The following IMMP2L variants were observed in gnomAD, a reference collection of about 807,000 sequenced individuals.
The protein encoded by IMMP2L is mitochondrial inner membrane protease subunit 2.
IMMP2L carries 18 observed loss-of-function variants against 19.3 expected under a neutral mutation model. That is an observed-to-expected ratio of 0.93 (90% CI 0.64 to 1.38). IMMP2L has a LOEUF of 1.38. Ranked by LOEUF, IMMP2L falls within the 40% of genes most tolerant of loss-of-function variation. The probability of loss-of-function intolerance (pLI) is 0.00; values close to 1 mark genes in which losing one functional copy is unlikely to be tolerated. For synonymous variants in IMMP2L, 76 were observed against 73.0 expected, an observed-to-expected ratio of 1.04 and a Z score of -0.21; for missense variants, 233 against 218.2, an observed-to-expected ratio of 1.07 and a Z score of -0.43.
intron 3 of IMMP2L, among the ~76,000 whole-genome samples, chr7:110,998,169 T>C (rs952196818): frequency 2.6e-5 from 4 of 152,170 alleles, no homozygotes; most frequent in South Asian, 2.1e-4. Flanking sequence ...CCTCTTCCAG[T>C]ATGACCTGAA....
chr7:111,499,462 A>T (rs1229018313), intron 2 of IMMP2L, among the ~76,000 whole-genome samples: 1 of 152,160 alleles, frequency 6.6e-6, no homozygotes, highest in Non-Finnish European at 1.5e-5. Flanking sequence ...AATTCATGAT[A>T]TGCATCAGGT....
intron 5 of IMMP2L, among the ~76,000 whole-genome samples, chr7:110,695,096 A>T (rs1237345530): frequency 6.6e-6 from 1 of 152,100 alleles, no homozygotes; most frequent in African/African-American, 2.4e-5. Context: ...AACAGATAAG[A>T]GGTTTCCTTT....
chr7:111,124,878 T>TCTG, intron 3 of IMMP2L: 1 of 1,589,198 alleles, frequency 6.3e-7, no homozygotes, highest in South Asian at 1.1e-5. Flanking sequence ...CTGTTATAGG[T>TCTG]TTACCAACAA....
At chr7:111,420,976 C>T (rs1457566242) in intron 3 of IMMP2L, among the ~76,000 whole-genome samples, 1 of 151,836 alleles carries the variant, frequency 6.6e-6, no homozygotes, top group Non-Finnish European at 1.5e-5. Context: ...CTTGAGGAAT[C>T]ACCACACTGT....
At position 111,214,328 on chromosome 7, in the gene IMMP2L, C is replaced by CTTTTTTTT. The variant is rs1484229556; in HGVS notation, c.240-250764_240-250763insAAAAAAAA. Among the ~76,000 whole-genome samples, 108 of 85,106 alleles carry CTTTTTTTT rather than the reference C, an allele frequency of 1.3e-3. 12 individuals are homozygous for CTTTTTTTT. The highest frequency in any genetic ancestry group is 1.5e-3 in the Non-Finnish European group (65 of 44,302). The allele number at this position is 85,106 out of a possible 152,430, so 55.8% of individuals were successfully genotyped here. The stretch of plus-strand genomic sequence containing the variant: ...GTGAATGAATGACAAAGTAATTTTT[C>CTTTTTTTT]TTCTTTTTTTTTTTTTTTTTTTTTT... On this transcript the variant is annotated intron_variant, in intron 3 of 5. Transcript: ENST00000405709.
At chr7:111,074,839 T>A (rs973114442) in intron 3 of IMMP2L, among the ~76,000 whole-genome samples, 1 of 152,152 alleles carries the variant, frequency 6.6e-6, no homozygotes, top group Admixed American at 6.5e-5. Context: ...TTGGCTACGA[T>A]CAAAAAACAG....
At chr7:110,665,016 C>G (rs1791346462) in intron 5 of IMMP2L, 2 of 151,988 alleles carry the variant, frequency 1.3e-5, no homozygotes, top group African/African-American at 4.8e-5. Flanking sequence ...GGGAAGGCTT[C>G]CAAAAAGATA....
In IMMP2L at chr7:111,036,251, A is replaced by G. The variant is rs1256424496; in HGVS notation, c.240-72686T>C. ...TACCTTTCCTCCGAAACCTTCCTCT[A>G]TAAACTGGGCCCCTTAATGACAAGA... On this transcript the variant is annotated intron_variant, in intron 3 of 5. Coordinates refer to ENST00000405709, the MANE Select transcript of IMMP2L (RefSeq NM_032549.4). Among the ~76,000 whole-genome samples the G allele has an allele frequency of 1.3e-5, 2 of 152,092 alleles. 1 individual carries two copies. Among genetic ancestry groups the G allele is most frequent in the South Asian group, 4.1e-4 (2 of 4,824 alleles).
chr7:110,731,305 A>C (rs1413404307), intron 5 of IMMP2L, among the ~76,000 whole-genome samples: 2 of 152,214 alleles, frequency 1.3e-5, no homozygotes, highest in Admixed American at 1.3e-4. Context: ...TAAAAAATAT[A>C]AATATCTAGC....
chr7:110,697,912 T>C lies in IMMP2L; in HGVS notation c.409-34191A>G, dbSNP rs149993260. ...AAGATGGCATGTTGTCTTTGTGTAA[T>C]GTATACATGTAAGATTCCCTATTTA... is the stretch of plus-strand genomic sequence containing the variant. On this transcript the variant is annotated intron_variant, in intron 5 of 5. Transcript: ENST00000405709. Among the ~76,000 whole-genome samples the C allele has an allele frequency of 9.0e-3, 1,367 of 152,360 alleles. 20 individuals are homozygous for C. Among genetic ancestry groups the C allele is most frequent in the African/African-American group, 0.031 (1,283 of 41,572 alleles).
At chr7:111,380,659 A>G (rs1344940276) in intron 3 of IMMP2L, among the ~76,000 whole-genome samples, 2 of 152,064 alleles carry the variant, frequency 1.3e-5, no homozygotes, top group African/African-American at 2.4e-5. Context: ...GGACCAATTT[A>G]GCTTGTCCAG....
rs913352473 is a variant in IMMP2L at position 111,080,919 on chromosome 7, T to C, written c.240-117354A>G. ...AATTTTCTTGTCAGCAGCCATGATA[T>C]CTAAACTGCTAAATATATACCCTAA... On this transcript the variant is annotated intron_variant, in intron 3 of 5. Transcript: ENST00000405709. Among the ~76,000 whole-genome samples, 18 of 152,218 alleles carry C rather than the reference T, an allele frequency of 1.2e-4. 1 individual carries two copies. The highest frequency in any genetic ancestry group is 4.3e-4 in the African/African-American group (18 of 41,456).
intron 3 of IMMP2L, among the ~76,000 whole-genome samples, chr7:111,214,322 A>ATTTTT (rs1204773622): frequency 1.3e-5 from 1 of 77,732 alleles, no homozygotes; most frequent in Non-Finnish European, 3.0e-5. Context: ...TGACAAAGTA[A>ATTTTT]TTTTTCTTCT....
chr7:111,222,936 G>C (rs1812676934), intron 3 of IMMP2L, among the ~76,000 whole-genome samples: 2 of 151,738 alleles, frequency 1.3e-5, no homozygotes, highest in Middle Eastern at 3.2e-3. Context: ...GCCATCAATA[G>C]TACAACAGAT....
intron 5 of IMMP2L, among the ~76,000 whole-genome samples, chr7:110,774,318 G>A (rs188765241): frequency 3.0e-4 from 46 of 152,140 alleles, no homozygotes; most frequent in Admixed American, 1.1e-3. Context: ...GCTGCAAACC[G>A]CATCAAGCAA....
Position 111,101,709 on chromosome 7 carries a change from G to A in IMMP2L, c.240-138144C>T, listed in dbSNP as rs73714668. Among the ~76,000 whole-genome samples the A allele has an allele frequency of 2.1e-3, 315 of 151,596 alleles. 3 individuals carry two copies. The highest frequency in any genetic ancestry group is 7.2e-3 in the African/African-American group (298 of 41,460). On this transcript the variant is annotated intron_variant, in intron 3 of 5. Coordinates refer to ENST00000405709, the MANE Select transcript of IMMP2L (RefSeq NM_032549.4). ...GTGTCTTCCCTGAGAAGACTGAGAA[G>A]AGGGTATAGCTAAATGAGTTAGGGG...
At chr7:110,851,834 T>C (rs1166308424) in intron 5 of IMMP2L, among the ~76,000 whole-genome samples, 1 of 152,150 alleles carries the variant, frequency 6.6e-6, no homozygotes, top group Non-Finnish European at 1.5e-5. Context: ...TATTGATATA[T>C]GTGACAGATG....
In IMMP2L at chr7:110,705,167, AT is replaced by A. The variant is rs531991831; in HGVS notation, c.409-41447del. The stretch of plus-strand genomic sequence containing the variant: ...CTAAGAAGAGAGTTTAAAATGATCT[AT>A]AAATGTCTTTCATTCATGATGATCC... On this transcript the variant is annotated intron_variant, in intron 5 of 5. Coordinates refer to ENST00000405709, the MANE Select transcript of IMMP2L (RefSeq NM_032549.4). Among the ~76,000 whole-genome samples, 35 of 152,304 alleles carry A rather than the reference AT, an allele frequency of 2.3e-4. No homozygotes were observed. In the South Asian group the frequency reaches 7.2e-3, roughly 32 times the overall value.
At chr7:111,364,072 C>A (rs529473343) in intron 3 of IMMP2L, among the ~76,000 whole-genome samples, 29 of 152,138 alleles carry the variant, frequency 1.9e-4, no homozygotes, top group Admixed American at 7.2e-4. Context: ...TGTACTGTCA[C>A]AGCACTTACC....
Sources: gnomAD v4.1 joint callset for allele counts (sites outside exome capture counted in the v4.1 genomes callset) on GRCh38, gnomAD v4.1.1 for gene constraint, MANE v1.5 for transcripts, NCBI Gene and HGNC (gene_info 2026-07-23, HGNC 2026-07-21) for gene names.